The following ZDHHC21 variants were observed in gnomAD, a reference collection of about 807,000 sequenced individuals.
The protein encoded by ZDHHC21 is zDHHC palmitoyltransferase 21.
A neutral mutation model predicts 34.6 loss-of-function variants in ZDHHC21; 15 were observed. The observed-to-expected ratio is 0.43, with a 90% CI of 0.29 to 0.67. The LOEUF (loss-of-function observed/expected upper bound fraction) is 0.67, where lower values mean the gene tolerates loss of function less well. ZDHHC21 is among the 30% of genes least tolerant of loss of function. The probability of loss-of-function intolerance (pLI) is 0.14; values close to 1 mark genes in which losing one functional copy is unlikely to be tolerated. For missense variants in ZDHHC21, 344 were observed against 327.7 expected, an observed-to-expected ratio of 1.05 and a Z score of -0.38; for synonymous variants, 142 against 101.8, an observed-to-expected ratio of 1.40 and a Z score of -2.38.
intron 5 of ZDHHC21, among the ~76,000 whole-genome samples, chr9:14,671,123 A>G (rs1246424789): frequency 6.6e-6 from 1 of 152,104 alleles, no homozygotes; most frequent in East Asian, 1.9e-4. Flanking sequence ...CAAAACCAAA[A>G]AAAAGGCAAA....
At chr9:14,683,308 C>T (rs1837711177) in intron 2 of ZDHHC21, among the ~76,000 whole-genome samples, 1 of 136,426 alleles carries the variant, frequency 7.3e-6, no homozygotes, top group African/African-American at 2.6e-5. Flanking sequence ...GCTAGCAAGA[C>T]TAATAAAGAA....
chr9:14,663,453 G>C (rs946638650), intron 5 of ZDHHC21, among the ~76,000 whole-genome samples: 4 of 147,270 alleles, frequency 2.7e-5, no homozygotes, highest in African/African-American at 7.5e-5. Context: ...AAAGATAATA[G>C]TAGACAATAT....
At chr9:14,650,027 T>G (rs1830949253) in intron 7 of ZDHHC21, among the ~76,000 whole-genome samples, 1 of 152,072 alleles carries the variant, frequency 6.6e-6, no homozygotes, top group Non-Finnish European at 1.5e-5. Context: ...ATTTTCTATG[T>G]TAAATGCTAT....
intron 5 of ZDHHC21, among the ~76,000 whole-genome samples, chr9:14,663,977 T>C (rs1833883053): frequency 6.6e-6 from 1 of 152,128 alleles, no homozygotes; most frequent in Non-Finnish European, 1.5e-5. Flanking sequence ...AACATCCCAG[T>C]GTTAAAACTT....
At chr9:14,677,086 A>G (rs971638039) in intron 3 of ZDHHC21, among the ~76,000 whole-genome samples, 2 of 152,000 alleles carry the variant, frequency 1.3e-5, no homozygotes, top group Non-Finnish European at 2.9e-5. Context: ...CTACTAGAGA[A>G]CAAATTTTTC....
intron 8 of ZDHHC21, among the ~76,000 whole-genome samples, chr9:14,639,654 A>T (rs1427490599): frequency 6.6e-6 from 1 of 152,080 alleles, no homozygotes; most frequent in Non-Finnish European, 1.5e-5. Context: ...AAAAAACTAT[A>T]AACGTGATGT....
At position 14,643,525 on chromosome 9, in the gene ZDHHC21, T is replaced by A. The variant is rs1829768691; in HGVS notation, c.505-3513A>T. Among the ~76,000 whole-genome samples, 3 of 152,234 alleles carry A rather than the reference T, an allele frequency of 2.0e-5. No individual in the cohort carries two copies. In the South Asian group the frequency reaches 6.2e-4, roughly 32 times the overall value. ...TATAAACTAAAGTCTTAATTTTACG[T>A]AGTCCAATGTATCAATCTTTTCCTT... On this transcript the variant is annotated intron_variant, in intron 7 of 9. Transcript: ENST00000380916.
chr9:14,646,532 A>G lies in ZDHHC21; in HGVS notation c.505-6520T>C, dbSNP rs184123104. On this transcript the variant is annotated intron_variant, in intron 7 of 9. Transcript: ENST00000380916. ...AGGATGTGAGAGACAGGAAAAAAGGAGAGGAAGAGTCAGACCACCTCTCTG... is the reference window on the plus strand; with the variant it reads ...AGGATGTGAGAGACAGGAAAAAAGGGGAGGAAGAGTCAGACCACCTCTCTG... 9.2e-5 allele frequency among the ~76,000 whole-genome samples: 14 copies of G among 152,258 alleles called. No homozygotes were observed. In the East Asian group the frequency reaches 2.7e-3, roughly 29 times the overall value.
chr9:14,633,779 T>C (rs1827788433), intron 8 of ZDHHC21, among the ~76,000 whole-genome samples: 1 of 152,154 alleles, frequency 6.6e-6, no homozygotes, highest in Non-Finnish European at 1.5e-5. Flanking sequence ...CATTGTGGGC[T>C]GGCACTGCCA....
At chr9:14,662,365 G>A in intron 5 of ZDHHC21, 39 bp from the exon 6 acceptor site, 1 of 1,472,314 alleles carries the variant, frequency 6.8e-7, no homozygotes. Flanking sequence ...ATGAAGGCAA[G>A]TGGGTAATGC....
intron 7 of ZDHHC21, among the ~76,000 whole-genome samples, chr9:14,641,539 T>C (rs576094640): frequency 6.6e-6 from 1 of 152,092 alleles, no homozygotes; most frequent in Admixed American, 6.5e-5. Context: ...ACACAAAAAA[T>C]TGTACCCAGA....
At chr9:14,678,698 T>C (rs565532614) in intron 3 of ZDHHC21, among the ~76,000 whole-genome samples, 20 of 152,226 alleles carry the variant, frequency 1.3e-4, no homozygotes, top group Non-Finnish European at 2.1e-4. Flanking sequence ...AGACTGTATA[T>C]ATACAGACAA....
chr9:14,623,970 G>C (rs1429237627), intron 8 of ZDHHC21, among the ~76,000 whole-genome samples: 2 of 152,136 alleles, frequency 1.3e-5, no homozygotes, highest in Non-Finnish European at 1.5e-5. Flanking sequence ...ACCTCAAAAA[G>C]TTAAAAACAA....
chr9:14,606,514 A>C (rs1396137775), downstream of ZDHHC21, among the ~76,000 whole-genome samples: 1 of 152,152 alleles, frequency 6.6e-6, no homozygotes, highest in Non-Finnish European at 1.5e-5. Flanking sequence ...CCAGCCATAG[A>C]ATCTTCCAGG....
At chr9:14,680,766 C>T (rs1369886026) in intron 2 of ZDHHC21, among the ~76,000 whole-genome samples, 3 of 152,136 alleles carry the variant, frequency 2.0e-5, no homozygotes, top group African/African-American at 4.8e-5. Flanking sequence ...AAAAGAGAGG[C>T]TCTATCTTCA....
At chr9:14,626,149 T>C (rs1020197734) in intron 8 of ZDHHC21, among the ~76,000 whole-genome samples, 1 of 152,004 alleles carries the variant, frequency 6.6e-6, no homozygotes, top group Non-Finnish European at 1.5e-5. Flanking sequence ...GATTTTTGGT[T>C]ATTAGTAGAA....
In ZDHHC21 at chr9:14,639,973, G is replaced by C. The variant is rs907737044; in HGVS notation, c.544C>G (p.Leu182Val). ...VFRHELAIMRLAAFMGITMLV... is the reference protein window; with the variant it reads ...VFRHELAIMRVAAFMGITMLV... ...ATAGTAATGCCCATAAAGGCTGCTA[G>C]TCTCATTATGGCCAATTCATGTCTA... is the stretch of plus-strand genomic sequence containing the variant. The change falls in exon 8 of 10, where the codon CTA (leucine) becomes GTA (valine). Residue 182 changes from leucine (L) to valine (V), a missense_variant. By Grantham distance (32) the Leu-to-Val change is conservative. Coordinates refer to ENST00000380916, the MANE Select transcript of ZDHHC21 (RefSeq NM_178566.6). 1.2e-6 allele frequency: 2 copies of C among 1,608,742 alleles called. No homozygotes were observed. Among genetic ancestry groups the C allele is most frequent in the Admixed American group, 1.7e-5 (1 of 59,622 alleles).
the ZDHHC21 span, chr9:14,589,899 C>A: frequency 6.6e-6 from 1 of 152,102 alleles, no homozygotes; most frequent in Non-Finnish European, 1.5e-5. Flanking sequence ...TAAAACAATC[C>A]AGCATCCAAC....
the ZDHHC21 span, among the ~76,000 whole-genome samples, chr9:14,604,125 T>C: frequency 1.3e-5 from 2 of 152,106 alleles, no homozygotes; most frequent in South Asian, 2.1e-4. Flanking sequence ...TTAGTGAGGA[T>C]GTGGGGGAAG....
Sources: gnomAD v4.1 joint callset for allele counts (sites outside exome capture counted in the v4.1 genomes callset) on GRCh38, gnomAD v4.1.1 for gene constraint, MANE v1.5 for transcripts, NCBI Gene and HGNC (gene_info 2026-07-23, HGNC 2026-07-21) for gene names.